NOTCH4: variants seen among roughly 807,000 people sequenced by gnomAD.
NOTCH4 encodes the protein neurogenic locus notch homolog protein 4.
Under a neutral mutation model 189.0 loss-of-function variants are expected in NOTCH4, and 138 were observed. That is an observed-to-expected ratio of 0.73 (90% CI 0.64 to 0.84). The LOEUF (loss-of-function observed/expected upper bound fraction) is 0.84. Among genes scored for constraint, NOTCH4 ranks in the 40% least tolerant of loss-of-function variants. The pLI is 0.00. For synonymous variants in NOTCH4, 942 were observed against 1,032.8 expected (o/e 0.91, Z 1.69); for missense variants, 2,286 against 2,605.4 (o/e 0.88, Z 2.67).
intron 26 of NOTCH4, among the ~76,000 whole-genome samples, chr6:32,197,908 T>A (rs1169469885): frequency 6.8e-6 from 1 of 146,570 alleles, no homozygotes; most frequent in Non-Finnish European, 1.5e-5. Context: ...TGCAAGCTCC[T>A]CCTCCCAGGT....
In NOTCH4 at chr6:32,202,841, A is replaced by C; in HGVS notation, c.3232-242T>G. On this transcript the variant is annotated intron_variant, in intron 20 of 29. Transcript: ENST00000375023. This position sits in a 1 kb window ranked among gnomAD's most constrained non-coding sequence, Gnocchi z 5.7. Reference sequence around the variant, plus strand: ...AAGCACAGCTGTGTGCAACAACCTGATGGACTGTGGCATTACAGTGCAAGT... The same window carrying C: ...AAGCACAGCTGTGTGCAACAACCTGCTGGACTGTGGCATTACAGTGCAAGT... The C allele has an allele frequency of 4.4e-6, 2 of 454,664 alleles. No individual in the cohort carries two copies. The highest frequency in any genetic ancestry group is 7.8e-6 in the Non-Finnish European group (2 of 255,810). The allele number at this position is 454,664 out of a possible 1,614,324, so 28.2% of individuals were successfully genotyped here. A position where few individuals can be genotyped will look rare whatever the true frequency, so the allele number is the denominator to read the frequency against.
chr6:32,204,525 G>T, intron 18 of NOTCH4, 136 bp from the exon 19 acceptor site: 1 of 952,800 alleles, frequency 1.0e-6, no homozygotes, highest in Non-Finnish European at 1.5e-6. Flanking sequence ...ATCCATCATG[G>T]CCATGTGTCA....
chr6:32,198,281 A>T lies in NOTCH4; in HGVS notation c.4756+140T>A. ...CAGGTGATGCTGATTTTGCTGTCTG[A>T]GGACCACACTTTGAGAATCATTGTT... On this transcript the variant is annotated intron_variant, in intron 26 of 29. Coordinates refer to ENST00000375023, the MANE Select transcript of NOTCH4 (RefSeq NM_004557.4). This position sits in a 1 kb window ranked among gnomAD's most constrained non-coding sequence, Gnocchi z 5.5. 1.1e-6 allele frequency: 1 copy of T among 905,236 alleles called. No individual in the cohort carries two copies. The highest frequency in any genetic ancestry group is 1.6e-6 in the Non-Finnish European group (1 of 610,948). The allele number at this position is 905,236 out of a possible 1,614,324, so 56.1% of individuals were successfully genotyped here.
intron 7 of NOTCH4, 25 bp from the exon 8 acceptor site, chr6:32,219,811 T>C (rs2127486002): frequency 6.3e-7 from 1 of 1,594,044 alleles, no homozygotes; most frequent in Non-Finnish European, 8.6e-7. Context: ...GAGCTGGGAG[T>C]CCACAGGGGT....
chr6:32,217,737 A>G lies in NOTCH4; in HGVS notation c.1624+258T>C, dbSNP rs1789505950. Among the ~76,000 whole-genome samples the G allele has an allele frequency of 6.6e-6, 1 of 152,182 alleles. No homozygotes were observed. The highest frequency in any genetic ancestry group is 6.5e-5 in the Admixed American group (1 of 15,272). On this transcript the variant is annotated intron_variant, in intron 9 of 29. Transcript: ENST00000375023. This position sits in a 1 kb window ranked among gnomAD's most constrained non-coding sequence, Gnocchi z 4.2. ...AGACCAGCCTGGGACCTCAACATGC[A>G]TACACAGAGGCTGTGCAGGAGGACT...
At chr6:32,197,183 CCT>C in intron 27 of NOTCH4, 111 bp from the exon 28 acceptor site, 1 of 1,518,590 alleles carries the variant, frequency 6.6e-7, no homozygotes, top group East Asian at 2.3e-5. Flanking sequence ...CCGCAGTTTC[CCT>C]GTCAGGTTCC....
chr6:32,201,824 G>A lies in NOTCH4; in HGVS notation c.3755+252C>T. On this transcript the variant is annotated intron_variant, in intron 21 of 29. Coordinates refer to ENST00000375023, the MANE Select transcript of NOTCH4 (RefSeq NM_004557.4). The surrounding 1 kb of genome is among the most constrained non-coding windows in gnomAD (Gnocchi z 5.5). ...CATGGCAGCAAGGCTTAGGGAAGGA[G>A]GCTTGAGACCTGAGTTCCTTCAACT... is the stretch of plus-strand genomic sequence containing the variant. 2.4e-6 allele frequency: 1 copy of A among 414,372 alleles called. No individual in the cohort carries two copies. Among genetic ancestry groups the A allele is most frequent in the Non-Finnish European group, 4.2e-6 (1 of 238,756 alleles). 25.7% of individuals were successfully genotyped at this position (414,372 alleles called of 1,614,324 possible).
At chr6:32,211,388 G>C (rs1374823014) in intron 17 of NOTCH4, among the ~76,000 whole-genome samples, 1 of 150,716 alleles carries the variant, frequency 6.6e-6, no homozygotes, top group Non-Finnish European at 1.5e-5. Flanking sequence ...TTAGGAGTTC[G>C]AGACCAGTCT....
At position 32,223,037 on chromosome 6, in the gene NOTCH4, G is replaced by A. The variant is rs745369827; in HGVS notation, c.123C>T (p.Cys41=). The A allele has an allele frequency of 6.2e-7, 1 of 1,613,792 alleles. No homozygotes were observed. Among genetic ancestry groups the A allele is most frequent in the South Asian group, 1.1e-5 (1 of 91,068 alleles). ...FPEPCANGGT[C]LSLSLGQGTC... is the part of the protein sequence containing the mutation. The stretch of plus-strand genomic sequence containing the variant: ...TCCCTTGTCCCAGAGACAGGCTCAG[G>A]CAGGTGCCTCCATTGGCACAGGGTT... Residue 41 remains cysteine, a synonymous_variant, in exon 2 of 30, where the codon TGC becomes TGT. Transcript: ENST00000375023.
chr6:32,206,321 GAAAA>G (rs766340758), intron 18 of NOTCH4, among the ~76,000 whole-genome samples: 1 of 151,952 alleles, frequency 6.6e-6, no homozygotes, highest in Non-Finnish European at 1.5e-5. Flanking sequence ...AAAACCTAAA[GAAAA>G]CACTGGTTAT....
Position 32,209,894 on chromosome 6 carries a change from G to GA in NOTCH4, c.2865+857dup, listed in dbSNP as rs36069395. Among the ~76,000 whole-genome samples the GA allele has an allele frequency of 2.0e-3, 182 of 93,014 alleles. 3 individuals are homozygous for GA. Among genetic ancestry groups the GA allele is most frequent in the Admixed American group, 0.018 (150 of 8,212 alleles). 61.0% of individuals were successfully genotyped at this position (93,014 alleles called of 152,430 possible). Reference sequence around the variant, plus strand: ...CGACTCTGTCTCCAAAAACGAGAGAGAAAAAAAAAAAGAAACCAAAAAACT... The same window carrying GA: ...CGACTCTGTCTCCAAAAACGAGAGAGAAAAAAAAAAAAGAAACCAAAAAACT... On this transcript the variant is annotated intron_variant, in intron 18 of 29. Transcript: ENST00000375023.
chr6:32,217,952 A>T lies in NOTCH4; in HGVS notation c.1624+43T>A. 7.6e-7 allele frequency: 1 copy of T among 1,315,080 alleles called. No individual in the cohort carries two copies. The highest frequency in any genetic ancestry group is 1.1e-6 in the Non-Finnish European group (1 of 913,058). 81.5% of individuals were successfully genotyped at this position (1,315,080 alleles called of 1,614,324 possible). On this transcript the variant is annotated intron_variant, in intron 9 of 29. Transcript: ENST00000375023. This position sits in a 1 kb window ranked among gnomAD's most constrained non-coding sequence, Gnocchi z 4.2. ...CTGAGCCTGAACTCTGCAGGTTCAG[A>T]GGCCTGGGGTCTGAGGGTGGCCAGA... is the stretch of plus-strand genomic sequence containing the variant.
rs2127483372 is a variant in NOTCH4, at chr6:32,217,294, G to A, written c.1625-28C>T. 1.4e-6 allele frequency: 2 copies of A among 1,474,926 alleles called. No individual in the cohort carries two copies. Among genetic ancestry groups the A allele is most frequent in the Non-Finnish European group, 1.9e-6 (2 of 1,055,314 alleles). The allele number at this position is 1,474,926 out of a possible 1,614,324, so 91.4% of individuals were successfully genotyped here. On this transcript the variant is annotated intron_variant, in intron 9 of 29. Coordinates refer to ENST00000375023, the MANE Select transcript of NOTCH4 (RefSeq NM_004557.4). The surrounding 1 kb of genome is among the most constrained non-coding windows in gnomAD (Gnocchi z 4.2). ...GGTGGGGCGGAAGTGGGTGGGGAGA[G>A]GAGGCCAAGGTCATCGAGGGAGGCA...
rs984376986 is a variant in NOTCH4 at position 32,199,699 on chromosome 6, G to C, written c.4316-554C>G. On this transcript the variant is annotated intron_variant, in intron 23 of 29. Transcript: ENST00000375023. The surrounding 1 kb of genome is among the most constrained non-coding windows in gnomAD (Gnocchi z 4.9). ...GGCCTGGGCGACAAGGCAAGACTCT[G>C]TCTCAAACAAAACAAAACAAAAACA... Among the ~76,000 whole-genome samples the C allele has an allele frequency of 1.5e-5, 1 of 67,086 alleles. No individual in the cohort carries two copies. The highest frequency in any genetic ancestry group is 2.9e-5 in the Non-Finnish European group (1 of 34,924). The allele number at this position is 67,086 out of a possible 152,430, so 44.0% of individuals were successfully genotyped here.
At chr6:32,219,348 G>A (rs908724554) in intron 8 of NOTCH4, among the ~76,000 whole-genome samples, 2 of 152,132 alleles carry the variant, frequency 1.3e-5, no homozygotes, top group African/African-American at 4.8e-5. Context: ...CCTCTATGAT[G>A]ACTATGAAAT....
chr6:32,209,378 G>A (rs1303258018), intron 18 of NOTCH4, among the ~76,000 whole-genome samples: 1 of 152,208 alleles, frequency 6.6e-6, no homozygotes, highest in African/African-American at 2.4e-5. Flanking sequence ...GATGAAGAGA[G>A]GTTGGTTAAT....
In NOTCH4 at chr6:32,198,591, G is replaced by A. The variant is rs1428289079; in HGVS notation, c.4618-32C>T. On this transcript the variant is annotated intron_variant, in intron 25 of 29. Coordinates refer to ENST00000375023, the MANE Select transcript of NOTCH4 (RefSeq NM_004557.4). The surrounding 1 kb of genome is among the most constrained non-coding windows in gnomAD (Gnocchi z 5.5). ...GTAACAGCAAGGATCAGTGAAGGTT[G>A]ATTTGCCCTTTCATCCCTTCCATCA... The A allele has an allele frequency of 8.1e-6, 13 of 1,611,190 alleles. No homozygotes were observed. The Admixed American group carries it at 2.0e-4, about 25-fold the overall frequency.
At chr6:32,220,035 G>T in intron 7 of NOTCH4, 94 bp downstream of exon 7, 5 of 1,424,642 alleles carry the variant, frequency 3.5e-6, no homozygotes, top group Non-Finnish European at 4.8e-6. Flanking sequence ...AAGATGTTTG[G>T]TTTTTTAATT....
At chr6:32,218,813 A>G (rs1321107645) in intron 8 of NOTCH4, among the ~76,000 whole-genome samples, 1 of 152,104 alleles carries the variant, frequency 6.6e-6, no homozygotes, top group Admixed American at 6.5e-5. Flanking sequence ...AATATGGGGT[A>G]GTGGTTATAA....
Sources: allele counts gnomAD v4.1 joint callset (sites outside exome capture counted in the v4.1 genomes callset), GRCh38; gene constraint gnomAD v4.1.1; non-coding constraint Gnocchi (gnomAD v3.1); transcripts MANE v1.5; gene names NCBI Gene and HGNC (gene_info 2026-07-23, HGNC 2026-07-21).